MGAT4C: variants seen among roughly 807,000 people sequenced by gnomAD.
MGAT4C encodes alpha-1,3-mannosyl-glycoprotein 4-beta-N-acetylglucosaminyltransferase C.
In MGAT4C, 19 loss-of-function variants were observed where a neutral mutation model predicts 40.1. The ratio of observed to expected loss-of-function variants is 0.47; its 90% CI spans 0.33 to 0.70. The LOEUF (loss-of-function observed/expected upper bound fraction) is 0.70. Ranked by LOEUF, MGAT4C falls within the 30% of genes least tolerant of loss-of-function variation. The probability of loss-of-function intolerance (pLI) is 0.02; values close to 1 mark genes in which losing one functional copy is unlikely to be tolerated. For synonymous variants in MGAT4C, 181 were observed against 187.1 expected, an observed-to-expected ratio of 0.97 and a Z score of 0.27; for missense variants, 491 against 563.2, an observed-to-expected ratio of 0.87 and a Z score of 1.30.
At chr12:86,232,969 A>G (rs1233641836) in intron 1 of MGAT4C, among the ~76,000 whole-genome samples, 1 of 152,218 alleles carries the variant, frequency 6.6e-6, no homozygotes, top group African/African-American at 2.4e-5. Context: ...GGCATTTCCT[A>G]TAACATTATA....
intron 3 of MGAT4C, among the ~76,000 whole-genome samples, chr12:86,383,563 A>C (rs1396287822): frequency 1.3e-5 from 2 of 151,004 alleles, no homozygotes; most frequent in African/African-American, 4.9e-5. Context: ...AAAAAAAAAA[A>C]AAAAAAAAAA....
chr12:86,732,659 T>C (rs887847478), intron 1 of MGAT4C, among the ~76,000 whole-genome samples: 11 of 152,014 alleles, frequency 7.2e-5, no homozygotes, highest in African/African-American at 2.7e-4. Flanking sequence ...AATGCATTGA[T>C]GGGGAGCAGC....
chr12:86,234,013 ATTAAT>A (rs1308975490), intron 1 of MGAT4C, among the ~76,000 whole-genome samples: 1 of 152,156 alleles, frequency 6.6e-6, no homozygotes, highest in Admixed American at 6.6e-5. Context: ...GATATTTGAT[ATTAAT>A]TTATTTTATG....
chr12:86,498,393 A>G (rs540933648), intron 2 of MGAT4C, among the ~76,000 whole-genome samples: 4 of 151,960 alleles, frequency 2.6e-5, no homozygotes, highest in African/African-American at 9.6e-5. Context: ...CCACAGGTGA[A>G]CTGTGTAGCC....
chr12:86,234,810 T>C (rs1209525970), intron 1 of MGAT4C, among the ~76,000 whole-genome samples: 1 of 152,104 alleles, frequency 6.6e-6, no homozygotes, highest in Non-Finnish European at 1.5e-5. Context: ...ACCAATGACC[T>C]CCTTTTTGCT....
chr12:86,361,732 A>G (rs1313692162), intron 3 of MGAT4C, among the ~76,000 whole-genome samples: 1 of 152,242 alleles, frequency 6.6e-6, no homozygotes, highest in Non-Finnish European at 1.5e-5. Flanking sequence ...GACACATGAA[A>G]AAATGCTCAT....
At chr12:86,487,731 G>A (rs1012586276) in intron 2 of MGAT4C, among the ~76,000 whole-genome samples, 1 of 152,228 alleles carries the variant, frequency 6.6e-6, no homozygotes, top group Middle Eastern at 3.4e-3. Flanking sequence ...AGAAAATTAA[G>A]CTTCCAATTT....
intron 1 of MGAT4C, among the ~76,000 whole-genome samples, chr12:86,747,807 T>G (rs1175118369): frequency 6.6e-6 from 1 of 151,560 alleles, no homozygotes; most frequent in Non-Finnish European, 1.5e-5. Flanking sequence ...AATAACTGGC[T>G]GATACGTGCA....
At chr12:86,335,819 A>T (rs1954774898) in intron 3 of MGAT4C, among the ~76,000 whole-genome samples, 1 of 152,150 alleles carries the variant, frequency 6.6e-6, no homozygotes, top group Non-Finnish European at 1.5e-5. Flanking sequence ...ATGTCTACAA[A>T]TGTAATCATT....
intron 1 of MGAT4C, among the ~76,000 whole-genome samples, chr12:86,065,693 T>C (rs984673576): frequency 2.6e-5 from 4 of 152,110 alleles, no homozygotes; most frequent in African/African-American, 9.7e-5. Context: ...CAACATAGTA[T>C]TGGAAGTTCT....
chr12:86,427,328 T>G (rs1956947542), intron 3 of MGAT4C, among the ~76,000 whole-genome samples: 1 of 152,120 alleles, frequency 6.6e-6, no homozygotes, highest in Non-Finnish European at 1.5e-5. Flanking sequence ...GCCACATTAA[T>G]AGAGTTTAAA....
chr12:86,134,963 A>G (rs951259014), intron 1 of MGAT4C, among the ~76,000 whole-genome samples: 43 of 152,196 alleles, frequency 2.8e-4, no homozygotes, highest in African/African-American at 1.0e-3. Context: ...ATTTCAAATC[A>G]CCAGGAACAA....
chr12:86,401,302 G>GTA (rs760420110), intron 3 of MGAT4C, among the ~76,000 whole-genome samples: 1,960 of 148,952 alleles, frequency 0.013, 18 homozygotes, highest in East Asian at 0.051. Context: ...GTGTGTGTGT[G>GTA]TATATATATA....
chr12:86,494,427 C>A (rs1462286734), intron 2 of MGAT4C, among the ~76,000 whole-genome samples: 1 of 151,770 alleles, frequency 6.6e-6, no homozygotes, highest in Admixed American at 6.6e-5. Context: ...CCATGTCTTT[C>A]TCTCTCTGAC....
intron 1 of MGAT4C, among the ~76,000 whole-genome samples, chr12:86,100,397 A>G (rs1756081229): frequency 6.6e-6 from 1 of 151,544 alleles, no homozygotes; most frequent in Non-Finnish European, 1.5e-5. Flanking sequence ...CCATTAAATT[A>G]TTAAACATAA....
intron 1 of MGAT4C, among the ~76,000 whole-genome samples, chr12:86,059,796 T>A (rs1893759011): frequency 6.6e-6 from 1 of 152,130 alleles, no homozygotes; most frequent in South Asian, 2.1e-4. Context: ...TTTCTCTGTA[T>A]CAAGAACACC....
At chr12:86,473,885 A>T (rs1173833514) in intron 2 of MGAT4C, among the ~76,000 whole-genome samples, 3 of 152,124 alleles carry the variant, frequency 2.0e-5, no homozygotes, top group African/African-American at 7.2e-5. Flanking sequence ...AAATCTGACT[A>T]TGGAGAATTT....
At chr12:86,424,010 G>T (rs1956879352) in intron 3 of MGAT4C, among the ~76,000 whole-genome samples, 1 of 152,144 alleles carries the variant, frequency 6.6e-6, no homozygotes, top group Non-Finnish European at 1.5e-5. Context: ...GTTAGTATAG[G>T]TTAGCAAATC....
At chr12:86,505,421 A>G (rs1958455260) in intron 2 of MGAT4C, among the ~76,000 whole-genome samples, 2 of 152,186 alleles carry the variant, frequency 1.3e-5, no homozygotes, top group South Asian at 4.1e-4. Flanking sequence ...TAATTAGGAT[A>G]TGCCAGTTTA....
Sources: gnomAD v4.1 joint callset for allele counts (sites outside exome capture counted in the v4.1 genomes callset) on GRCh38, gnomAD v4.1.1 for gene constraint, MANE v1.5 for transcripts, NCBI Gene and HGNC (gene_info 2026-07-23, HGNC 2026-07-21) for gene names.